SYN3: variants seen among roughly 807,000 people sequenced by gnomAD.
SYN3 encodes synapsin III.
Under a neutral mutation model 65.8 loss-of-function variants are expected in SYN3, and 35 were observed. The observed-to-expected ratio is 0.53, with a 90% CI of 0.41 to 0.70. The LOEUF (loss-of-function observed/expected upper bound fraction) is 0.70, where lower values mean the gene tolerates loss of function less well. SYN3 is among the 30% of genes least tolerant of loss of function. The pLI is 0.00. For synonymous variants in SYN3, 270 were observed against 292.9 expected (o/e 0.92, Z 0.80); for missense variants, 680 against 749.0 (o/e 0.91, Z 1.08).
rs562113407 is a variant in SYN3 at position 33,053,300 on chromosome 22, A to G, written c.-163+4992T>C. ...TAGCCGGGTGCGGTGGCGGGTGCCTATAATTCCAGCTACTCCGGAGGCTGA... is the reference window on the plus strand; with the variant it reads ...TAGCCGGGTGCGGTGGCGGGTGCCTGTAATTCCAGCTACTCCGGAGGCTGA... On this transcript the variant is annotated intron_variant, in intron 1 of 13. Transcript: ENST00000358763. Among the ~76,000 whole-genome samples, 540 of 152,222 alleles carry G rather than the reference A, an allele frequency of 3.5e-3. 1 individual carries two copies. The highest frequency in any genetic ancestry group is 5.2e-3 in the Non-Finnish European group (356 of 68,002).
At chr22:32,751,785 C>T (rs2045134731) in intron 6 of SYN3, among the ~76,000 whole-genome samples, 1 of 152,126 alleles carries the variant, frequency 6.6e-6, no homozygotes, top group African/African-American at 2.4e-5. Context: ...GGAAGCAGAG[C>T]CAAAGAAATC....
intron 3 of SYN3, among the ~76,000 whole-genome samples, chr22:32,948,805 G>A (rs115869039): frequency 1.3e-5 from 2 of 150,322 alleles, no homozygotes; most frequent in Non-Finnish European, 3.0e-5. Context: ...CATGTTCGTT[G>A]AGCTTCTTGG....
At chr22:32,540,320 G>A (rs1352370442) in intron 8 of SYN3, among the ~76,000 whole-genome samples, 2 of 152,220 alleles carry the variant, frequency 1.3e-5, no homozygotes, top group African/African-American at 2.4e-5. Flanking sequence ...TCGGCCTGTG[G>A]TTGTGGTTTG....
intron 11 of SYN3, among the ~76,000 whole-genome samples, chr22:32,528,470 A>G (rs2146137665): frequency 6.6e-6 from 1 of 152,206 alleles, no homozygotes; most frequent in East Asian, 1.9e-4. Context: ...GGGAGACACA[A>G]TAGCGTCCAT....
At chr22:32,839,711 C>T (rs976578616) in intron 6 of SYN3, among the ~76,000 whole-genome samples, 3 of 152,106 alleles carry the variant, frequency 2.0e-5, no homozygotes, top group Non-Finnish European at 4.4e-5. Flanking sequence ...CTAGAAGGAG[C>T]GACTCTTAAA....
Position 32,528,952 on chromosome 22 carries a change from C to T in SYN3, c.1152G>A (p.Leu384=), listed in dbSNP as rs138034081. 1.2e-4 allele frequency: 187 copies of T among 1,613,992 alleles called. 1 individual carries two copies. Among genetic ancestry groups the T allele is most frequent in the Non-Finnish European group, 1.1e-4 (130 of 1,180,052 alleles). ...TTTTGGAGACAACAAGGTCGGCCATCAGCTGTCTGTCCTCTTCCACATGCT... is the reference window on the plus strand; with the variant it reads ...TTTTGGAGACAACAAGGTCGGCCATTAGCTGTCTGTCCTCTTCCACATGCT... ...IGEHVEEDRQ[L]MADLVVSKMS... Residue 384 remains leucine, a synonymous_variant, in exon 11 of 14, where the codon CTG becomes CTA. Transcript: ENST00000358763.
intron 7 of SYN3, among the ~76,000 whole-genome samples, chr22:32,550,808 G>C (rs2058402977): frequency 6.6e-6 from 1 of 152,044 alleles, no homozygotes; most frequent in Admixed American, 6.6e-5. Flanking sequence ...ACTGATTCCA[G>C]GTTTGGGCAG....
intron 6 of SYN3, among the ~76,000 whole-genome samples, chr22:32,612,696 G>C (rs995922293): frequency 6.6e-6 from 1 of 152,082 alleles, no homozygotes; most frequent in Non-Finnish European, 1.5e-5. Flanking sequence ...AAAAAAATTA[G>C]CCAGGCATGG....
At chr22:32,607,951 G>A (rs2059393224) in intron 6 of SYN3, among the ~76,000 whole-genome samples, 3 of 152,168 alleles carry the variant, frequency 2.0e-5, no homozygotes, top group South Asian at 2.1e-4. Context: ...ACGCAGCTGC[G>A]GGATCACAGA....
intron 5 of SYN3, among the ~76,000 whole-genome samples, chr22:32,868,761 T>G (rs1358089251): frequency 6.6e-6 from 1 of 152,044 alleles, no homozygotes; most frequent in Non-Finnish European, 1.5e-5. Flanking sequence ...TATAAATATT[T>G]ACCATAATAA....
intron 3 of SYN3, among the ~76,000 whole-genome samples, chr22:32,963,798 C>T (rs944872810): frequency 2.0e-5 from 3 of 152,190 alleles, no homozygotes; most frequent in East Asian, 1.9e-4. Flanking sequence ...GAGCCTGCAC[C>T]GTGGAGAGCT....
chr22:32,624,823 G>A (rs1476140001), intron 6 of SYN3, among the ~76,000 whole-genome samples: 1 of 152,202 alleles, frequency 6.6e-6, no homozygotes, highest in Non-Finnish European at 1.5e-5. Context: ...CTTGCCAGAG[G>A]CTGAAAGGCA....
chr22:32,638,775 T>G (rs2059854834), intron 6 of SYN3, among the ~76,000 whole-genome samples: 1 of 152,262 alleles, frequency 6.6e-6, no homozygotes, highest in Non-Finnish European at 1.5e-5. Context: ...GTCTGTTTAC[T>G]CTGCTGATTG....
At chr22:32,623,221 C>G (rs2059620054) in intron 6 of SYN3, among the ~76,000 whole-genome samples, 1 of 151,496 alleles carries the variant, frequency 6.6e-6, no homozygotes, top group Admixed American at 6.6e-5. Context: ...AGATCTCACT[C>G]TGTTGTTCAG....
intron 2 of SYN3, among the ~76,000 whole-genome samples, chr22:32,983,886 A>G (rs2052441964): frequency 6.6e-6 from 1 of 152,178 alleles, no homozygotes; most frequent in Admixed American, 6.5e-5. Flanking sequence ...TCCACTGGGC[A>G]TGGTGGCTCA....
At chr22:32,705,931 G>C (rs1803842720) in intron 6 of SYN3, among the ~76,000 whole-genome samples, 2 of 152,220 alleles carry the variant, frequency 1.3e-5, no homozygotes, top group Admixed American at 1.3e-4. Flanking sequence ...CTTTGCTGAA[G>C]TTGTTTATCA....
intron 6 of SYN3, among the ~76,000 whole-genome samples, chr22:32,763,997 G>A (rs2145734411): frequency 6.6e-6 from 1 of 151,158 alleles, no homozygotes; most frequent in South Asian, 2.1e-4. Flanking sequence ...GAGTGCAATG[G>A]CGCAATCTCG....
intron 7 of SYN3, among the ~76,000 whole-genome samples, chr22:32,558,363 A>C (rs2058533648): frequency 6.6e-6 from 1 of 152,224 alleles, no homozygotes; most frequent in South Asian, 2.1e-4. Flanking sequence ...CAATCTTGGG[A>C]GGGAGATGTT....
At chr22:33,014,228 T>A (rs1480033474) in intron 1 of SYN3, among the ~76,000 whole-genome samples, 1 of 152,162 alleles carries the variant, frequency 6.6e-6, no homozygotes, top group Non-Finnish European at 1.5e-5. Flanking sequence ...CCCCTCCTTT[T>A]AAGGCTGAAT....
Sources: gnomAD v4.1 joint callset for allele counts (sites outside exome capture counted in the v4.1 genomes callset) on GRCh38, gnomAD v4.1.1 for gene constraint, MANE v1.5 for transcripts, NCBI Gene and HGNC (gene_info 2026-07-23, HGNC 2026-07-21) for gene names.